SDK1: variants seen among roughly 807,000 people sequenced by gnomAD.
SDK1 encodes the protein sidekick cell adhesion molecule 1, also known as protein sidekick-1.
In SDK1, 157 loss-of-function variants were observed where a neutral mutation model predicts 245.5. That is an observed-to-expected ratio of 0.64 (90% CI 0.56 to 0.73). The LOEUF is 0.73. SDK1 is among the 30% of genes least tolerant of loss of function. SDK1 has a pLI of 0.00. For synonymous variants in SDK1, 1,647 were observed against 1,278.5 expected (o/e 1.29, Z -6.15); for missense variants, 3,583 against 3,002.3 (o/e 1.19, Z -4.52).
In SDK1 at chr7:4,217,673, G is replaced by T. The variant is rs1467084601; in HGVS notation, c.5540-2436G>T. Among the ~76,000 whole-genome samples the T allele has an allele frequency of 5.9e-5, 9 of 152,108 alleles. No individual in the cohort carries two copies. In the East Asian group the frequency reaches 1.7e-3, roughly 29 times the overall value. ...AGGCCACTTGAGCACTCAGCCATGT[G>T]CTTGGGAATCCGATTTTATGGCAGA... On this transcript the variant is annotated intron_variant, in intron 38 of 44. Coordinates refer to ENST00000404826, the MANE Select transcript of SDK1 (RefSeq NM_152744.4).
At chr7:3,631,498 C>T (rs1034197327) in intron 2 of SDK1, among the ~76,000 whole-genome samples, 3 of 152,190 alleles carry the variant, frequency 2.0e-5, no homozygotes, top group African/African-American at 7.2e-5. Context: ...CTCCTGTCCT[C>T]TATGAATTGC....
At chr7:3,341,400 T>C (rs891156638) in intron 1 of SDK1, among the ~76,000 whole-genome samples, 1 of 152,270 alleles carries the variant, frequency 6.6e-6, no homozygotes, top group African/African-American at 2.4e-5. Context: ...AAGACCATAC[T>C]TCATGATGAA....
At chr7:4,023,551 A>G (rs1787100008) in intron 17 of SDK1, among the ~76,000 whole-genome samples, 1 of 152,224 alleles carries the variant, frequency 6.6e-6, no homozygotes, top group Admixed American at 6.5e-5. Context: ...AATAACCGAA[A>G]TGGACTCAGA....
chr7:3,928,191 T>C (rs1779845541), intron 5 of SDK1, among the ~76,000 whole-genome samples: 1 of 152,232 alleles, frequency 6.6e-6, no homozygotes, highest in Non-Finnish European at 1.5e-5. Context: ...TTATACTCAT[T>C]ATCTACTGTA....
intron 1 of SDK1, among the ~76,000 whole-genome samples, chr7:3,458,643 G>C (rs1428689049): frequency 1.3e-5 from 2 of 151,968 alleles, no homozygotes; most frequent in Non-Finnish European, 2.9e-5. Context: ...TCCAGAGTAG[G>C]AGGTAGATAG....
intron 1 of SDK1, among the ~76,000 whole-genome samples, chr7:3,438,237 T>G (rs1398792833): frequency 6.6e-6 from 1 of 152,240 alleles, no homozygotes; most frequent in Non-Finnish European, 1.5e-5. Context: ...TATATTATTT[T>G]ATATTCCCAA....
chr7:4,259,633 G>C (rs2128243079), intron 44 of SDK1, among the ~76,000 whole-genome samples: 1 of 152,296 alleles, frequency 6.6e-6, no homozygotes. Flanking sequence ...CAGAATATGA[G>C]AATATTCACA....
intron 5 of SDK1, among the ~76,000 whole-genome samples, chr7:3,931,755 C>T (rs189741204): frequency 6.6e-5 from 10 of 152,180 alleles, no homozygotes; most frequent in Admixed American, 2.6e-4. Flanking sequence ...ACTTATGGGG[C>T]GTTTTACTTC....
Position 4,210,030 on chromosome 7 carries a change from G to A in SDK1, c.5407G>A (p.Gly1803Arg). The change falls in exon 38 of 45, where the codon GGG becomes AGG. Residue 1803 changes from glycine (G) to arginine (R), a missense_variant. Transcript: ENST00000404826. ...QQGRTHQAAP[G>R]APSFLAFSEI... ...TTTGTGTTCTATTCTCCCAGCCCCT[G>A]GGGCCCCCAGCTTTCTGGCGTTCTC... The A allele has an allele frequency of 6.3e-7, 1 of 1,583,366 alleles. No homozygotes were observed. The highest frequency in any genetic ancestry group is 1.4e-5 in the African/African-American group (1 of 73,864).
chr7:4,174,171 C>T (rs1782027528), intron 32 of SDK1, 51 bp from the exon 33 acceptor site: 1 of 1,605,496 alleles, frequency 6.2e-7, no homozygotes, highest in Non-Finnish European at 8.5e-7. Flanking sequence ...TGCTGCAGGC[C>T]AGCTGGGTTG....
chr7:3,806,344 A>ATGTGGATGTCCACATTAGGG (rs1562456996), intron 4 of SDK1, among the ~76,000 whole-genome samples: 3 of 135,102 alleles, frequency 2.2e-5, no homozygotes, highest in Non-Finnish European at 4.6e-5. Context: ...CCACATTAGG[A>ATGTGGATGTCCACATTAGGG]TGTGGATGTC....
Position 4,079,471 on chromosome 7 carries a change from G to A in SDK1, c.3211G>A (p.Gly1071Ser), listed in dbSNP as rs1253751090. 4.3e-6 allele frequency: 7 copies of A among 1,614,094 alleles called. No homozygotes were observed. The East Asian group carries it at 1.6e-4, about 36-fold the overall frequency. Residue 1071 changes from glycine to serine, a missense_variant, in exon 22 of 45, where the codon GGT becomes AGT. By Grantham distance (56) the Gly-to-Ser change is moderately conservative. Coordinates refer to ENST00000404826, the MANE Select transcript of SDK1 (RefSeq NM_152744.4). The part of the protein sequence containing the change: ...ISSGVPPDLP[G>S]APSNLVISNI... ...CCCTGGTTCCTCTCTAGACCTTCCT[G>A]GTGCCCCATCCAACCTGGTCATTTC...
At chr7:4,157,963 AG>A (rs1332476429) in intron 30 of SDK1, among the ~76,000 whole-genome samples, 1 of 152,168 alleles carries the variant, frequency 6.6e-6, no homozygotes, top group Non-Finnish European at 1.5e-5. Context: ...AGAATCAGGC[AG>A]GAACTCATTT....
chr7:3,950,774 T>G lies in SDK1; in HGVS notation c.848-149T>G, dbSNP rs948948770. On this transcript the variant is annotated intron_variant, in intron 5 of 44. Transcript: ENST00000404826. Reference sequence around the variant, plus strand: ...TGAAAAGCCCTGCGTGGAGCCATCATACATCAGGGACAATTTGTGTCTGTA... The same window carrying G: ...TGAAAAGCCCTGCGTGGAGCCATCAGACATCAGGGACAATTTGTGTCTGTA... 13 of 615,606 alleles carry G rather than the reference T, an allele frequency of 2.1e-5. No individual in the cohort carries two copies. In the African/African-American group the frequency reaches 2.2e-4, roughly 10 times the overall value. 38.1% of individuals were successfully genotyped at this position (615,606 alleles called of 1,614,324 possible).
At chr7:3,567,393 C>T (rs938425421) in intron 1 of SDK1, among the ~76,000 whole-genome samples, 31 of 152,020 alleles carry the variant, frequency 2.0e-4, no homozygotes, top group African/African-American at 4.1e-4. Context: ...TCCTAGAAGC[C>T]GAAGCACTGA....
chr7:3,488,155 G>A (rs375407427), intron 1 of SDK1, among the ~76,000 whole-genome samples: 5 of 151,976 alleles, frequency 3.3e-5, no homozygotes, highest in Admixed American at 2.0e-4. Flanking sequence ...TGTGTTTTCC[G>A]ATGCCTTTAA....
intron 2 of SDK1, among the ~76,000 whole-genome samples, chr7:3,636,384 A>G (rs1357095063): frequency 1.3e-5 from 2 of 151,822 alleles, no homozygotes; most frequent in East Asian, 3.9e-4. Context: ...CCCTGTACCC[A>G]CTAGTGGCCA....
At chr7:3,766,866 C>T (rs977066004) in intron 4 of SDK1, among the ~76,000 whole-genome samples, 1 of 152,104 alleles carries the variant, frequency 6.6e-6, no homozygotes. Context: ...AATTAATACT[C>T]CTTAGAGTGA....
intron 5 of SDK1, among the ~76,000 whole-genome samples, chr7:3,914,544 G>A (rs1429940426): frequency 6.6e-6 from 1 of 152,218 alleles, no homozygotes; most frequent in Non-Finnish European, 1.5e-5. Context: ...TGGTCTAATT[G>A]CTGAAGCTAT....
Sources: allele counts gnomAD v4.1 joint callset (sites outside exome capture counted in the v4.1 genomes callset), GRCh38; gene constraint gnomAD v4.1.1; transcripts MANE v1.5; gene names NCBI Gene and HGNC (gene_info 2026-07-23, HGNC 2026-07-21).